The following HERC1 variants were observed in gnomAD, a reference collection of about 807,000 sequenced individuals.
The protein encoded by HERC1 is HECT and RLD domain containing E3 ubiquitin protein ligase family member 1, also known as probable E3 ubiquitin-protein ligase HERC1.
HERC1 carries 160 observed loss-of-function variants against 554.3 expected under a neutral mutation model. The ratio of observed to expected loss-of-function variants is 0.29; its 90% CI spans 0.25 to 0.33. The LOEUF is 0.33. Among genes scored for constraint, HERC1 ranks in the 10% least tolerant of loss-of-function variants. The pLI is 1.00. For missense variants in HERC1, 4,919 were observed against 5,918.5 expected (o/e 0.83, Z 5.54); for synonymous variants, 2,175 against 2,131.7 (o/e 1.02, Z -0.56).
chr15:63,679,844 G>C (rs1444549806), intron 36 of HERC1, among the ~76,000 whole-genome samples: 1 of 152,152 alleles, frequency 6.6e-6, no homozygotes, highest in Non-Finnish European at 1.5e-5. Context: ...TCTTGTGACT[G>C]CACGTTTGAA....
In HERC1 at chr15:63,648,198, C is replaced by T; in HGVS notation, c.10749G>A (p.Val3583=). 2 of 1,602,664 alleles carry T rather than the reference C, an allele frequency of 1.2e-6. No individual in the cohort carries two copies. Among genetic ancestry groups the T allele is most frequent in the Non-Finnish European group, 1.7e-6 (2 of 1,173,828 alleles). ...RELEHCYRKD[V]SVTCIAWFSE... ...TGAACCATGCAATGCAAGTAACAGACACTAACATGATCAAAACAAAAGAGT... is the reference window on the plus strand; with the variant it reads ...TGAACCATGCAATGCAAGTAACAGATACTAACATGATCAAAACAAAAGAGT... Residue 3583 remains valine (V), a splice_region_variant and synonymous_variant, in exon 55 of 78, where the codon GTG becomes GTA. Coordinates refer to ENST00000443617, the MANE Select transcript of HERC1 (RefSeq NM_003922.4).
intron 66 of HERC1, among the ~76,000 whole-genome samples, 166 bp downstream of exon 66, chr15:63,634,567 T>C (rs1043006245): frequency 1.3e-5 from 2 of 152,244 alleles, no homozygotes; most frequent in Non-Finnish European, 2.9e-5. Flanking sequence ...ACTTAAAATA[T>C]GAATTTCACA....
chr15:63,723,322 A>T lies in HERC1; in HGVS notation c.3602T>A (p.Leu1201His). ...AGGCTTCTGTTCTTCATTTCCAGAA[A>T]GTGCTACTTCTAACAGGCAACTCAT... ...KCMSCLLEVA[L>H]SGNEEQKPFD... The change falls in exon 19 of 78, where the codon CTT (leucine) becomes CAT (histidine). Residue 1201 changes from leucine (L) to histidine (H), a missense_variant. Physicochemically the swap from Leu to His is moderately conservative, Grantham distance 99. Transcript: ENST00000443617. 6.3e-7 allele frequency: 1 copy of T among 1,593,842 alleles called. No homozygotes were observed. The highest frequency in any genetic ancestry group is 1.8e-5 in the Admixed American group (1 of 56,898).
At chr15:63,640,064 C>A in intron 61 of HERC1, 88 bp downstream of exon 61, 1 of 1,276,504 alleles carries the variant, frequency 7.8e-7, no homozygotes, top group Non-Finnish European at 1.1e-6. Context: ...CCATGCATAC[C>A]AGCAAAGACT....
At chr15:63,788,285 A>G (rs1205220333) in intron 1 of HERC1, among the ~76,000 whole-genome samples, 1 of 152,230 alleles carries the variant, frequency 6.6e-6, no homozygotes, top group Non-Finnish European at 1.5e-5. Flanking sequence ...TGAAGGATGC[A>G]TTTCAAAAAA....
At chr15:63,678,481 G>A in intron 36 of HERC1, 116 bp from the exon 37 acceptor site, 2 of 1,221,674 alleles carry the variant, frequency 1.6e-6, no homozygotes, top group Non-Finnish European at 1.1e-6. Context: ...CTTCATACAT[G>A]TGAATTATAC....
At chr15:63,761,337 T>C (rs1301189949) in intron 3 of HERC1, among the ~76,000 whole-genome samples, 1 of 152,168 alleles carries the variant, frequency 6.6e-6, no homozygotes, top group African/African-American at 2.4e-5. Flanking sequence ...ACCAGTACTT[T>C]GGGAGCCCGA....
chr15:63,786,927 T>TA (rs2143789823), intron 1 of HERC1, among the ~76,000 whole-genome samples: 1 of 150,438 alleles, frequency 6.6e-6, no homozygotes, highest in African/African-American at 2.4e-5. Flanking sequence ...ATTATTTTTT[T>TA]TTTTTTTATT....
chr15:63,687,524 C>T (rs1211582281), intron 33 of HERC1, among the ~76,000 whole-genome samples: 2 of 150,054 alleles, frequency 1.3e-5, no homozygotes, highest in African/African-American at 4.9e-5. Flanking sequence ...GGTGACAGAG[C>T]GAGACTCTGT....
At chr15:63,793,471 T>C (rs2076715767) in intron 1 of HERC1, among the ~76,000 whole-genome samples, 1 of 152,150 alleles carries the variant, frequency 6.6e-6, no homozygotes, top group South Asian at 2.1e-4. Flanking sequence ...TTACCCTATA[T>C]GGTCTAAAAG....
At chr15:63,818,609 T>C (rs1484437409) in intron 1 of HERC1, among the ~76,000 whole-genome samples, 1 of 152,282 alleles carries the variant, frequency 6.6e-6, no homozygotes, top group South Asian at 2.1e-4. Flanking sequence ...TGTGAATTCA[T>C]ATTGGATTTT....
intron 30 of HERC1, among the ~76,000 whole-genome samples, chr15:63,693,314 G>A (rs932912088): frequency 2.0e-5 from 3 of 150,676 alleles, no homozygotes; most frequent in Non-Finnish European, 4.4e-5. Context: ...TGTGATCTCA[G>A]CTCACTGCAA....
At position 63,716,386 on chromosome 15, in the gene HERC1, G is replaced by T; in HGVS notation, c.4066C>A (p.Gln1356Lys). The T allele has an allele frequency of 6.2e-7, 1 of 1,613,770 alleles. No individual in the cohort carries two copies. The highest frequency in any genetic ancestry group is 8.5e-7 in the Non-Finnish European group (1 of 1,179,788). ...TIDEEAEMEE[Q>K]AERDREEGHP... ...CCCTCTTCCCGGTCTCTCTCAGCCT[G>T]TTCTTCCATTTCAGCTTCTTCATCA... is the stretch of plus-strand genomic sequence containing the variant. Residue 1356 changes from glutamine (Q) to lysine (K), a missense_variant, in exon 22 of 78, where the codon CAG (glutamine) becomes AAG (lysine). This residue lies in a region of HERC1 where 1,121 missense variants were observed against 1,244.0 expected (regional missense o/e 0.90). Coordinates refer to ENST00000443617, the MANE Select transcript of HERC1 (RefSeq NM_003922.4).
intron 1 of HERC1, among the ~76,000 whole-genome samples, chr15:63,820,777 C>T (rs1486362791): frequency 6.6e-6 from 1 of 152,130 alleles, no homozygotes; most frequent in Non-Finnish European, 1.5e-5. Flanking sequence ...CTTGGCCTCC[C>T]AAGTAGCTAG....
intron 12 of HERC1, among the ~76,000 whole-genome samples, chr15:63,745,887 T>G (rs1026198020): frequency 5.3e-5 from 8 of 152,178 alleles, no homozygotes; most frequent in African/African-American, 1.9e-4. Flanking sequence ...TATCTTGTCT[T>G]TCATTCCTGA....
chr15:63,810,807 C>A (rs1338567704), intron 1 of HERC1, among the ~76,000 whole-genome samples: 1 of 152,008 alleles, frequency 6.6e-6, no homozygotes, highest in East Asian at 1.9e-4. Flanking sequence ...ATAGTCACCA[C>A]CTTAAGCAAT....
At chr15:63,632,558 G>A (rs1190097673) in intron 68 of HERC1, 151 bp downstream of exon 68, 1 of 696,070 alleles carries the variant, frequency 1.4e-6, no homozygotes, top group Non-Finnish European at 2.6e-6. Flanking sequence ...TGAAAGAGAA[G>A]TGGAAAATTA....
At position 63,612,344 on chromosome 15, in the gene HERC1, C is replaced by G; in HGVS notation, c.14307G>C (p.Arg4769=). The change falls in exon 77 of 78, where the codon CGG becomes CGC. Residue 4769 remains arginine (R), a synonymous_variant. Transcript: ENST00000443617. This position sits in a 1 kb window ranked among gnomAD's most constrained non-coding sequence, Gnocchi z 5.0. ...CTGACACAAACCTCATGAAAAGCAC[C>G]CGCTCCTCATTGGAGAACTCTTCCA... ...HTLEEFSNEE[R]VLFMRFVSGR... 2 of 1,614,000 alleles carry G rather than the reference C, an allele frequency of 1.2e-6. No homozygotes were observed. Among genetic ancestry groups the G allele is most frequent in the Non-Finnish European group, 1.7e-6 (2 of 1,179,864 alleles).
chr15:63,816,347 C>T (rs1465395947), intron 1 of HERC1, among the ~76,000 whole-genome samples: 2 of 152,180 alleles, frequency 1.3e-5, no homozygotes, highest in Non-Finnish European at 2.9e-5. Context: ...AATGCTGCTG[C>T]TCCAGTTCTT....
Sources: gnomAD v4.1 joint callset for allele counts (sites outside exome capture counted in the v4.1 genomes callset) on GRCh38, gnomAD v4.1.1 for gene constraint, gnomAD v4.1.1 regional missense constraint, Gnocchi (gnomAD v3.1) non-coding constraint, MANE v1.5 for transcripts, NCBI Gene and HGNC (gene_info 2026-07-23, HGNC 2026-07-21) for gene names.